The following PRAM1 variants were observed in gnomAD, a reference collection of about 807,000 sequenced individuals.
The protein encoded by PRAM1 is PML-RARA regulated adaptor molecule 1, also known as PML-RARA-regulated adapter molecule 1.
PRAM1 carries 41 observed loss-of-function variants against 55.3 expected under a neutral mutation model. That is an observed-to-expected ratio of 0.74 (90% CI 0.58 to 0.96). PRAM1 has a LOEUF of 0.96. Ranked by LOEUF, PRAM1 falls within the 40% of genes least tolerant of loss-of-function variation. The pLI, the probability that PRAM1 is intolerant of heterozygous loss-of-function variation, is 0.00. For missense variants in PRAM1, 898 were observed against 892.7 expected, an observed-to-expected ratio of 1.01 and a Z score of -0.08; for synonymous variants, 401 against 387.1, an observed-to-expected ratio of 1.04 and a Z score of -0.42.
rs1057153124 is a variant in PRAM1, at chr19:8,498,407, C to G, written c.1401G>C (p.Gln467His). ...PPLPPGPVDM[Q>H]SFRRPSAASI... ...ATGCTGCAGAGGGTCTCCGAAAGCTCTGCATATCCACGGGCCCCGGGGGCA... is the reference window on the plus strand; with the variant it reads ...ATGCTGCAGAGGGTCTCCGAAAGCTGTGCATATCCACGGGCCCCGGGGGCA... Residue 467 changes from glutamine to histidine, a missense_variant, in exon 2 of 10, where the codon CAG (glutamine) becomes CAC (histidine). Coordinates refer to ENST00000423345, the MANE Select transcript of PRAM1 (RefSeq NM_032152.5). The G allele has an allele frequency of 6.3e-7, 1 of 1,579,254 alleles. No individual in the cohort carries two copies. Among genetic ancestry groups the G allele is most frequent in the African/African-American group, 1.3e-5 (1 of 74,298 alleles).
At chr19:8,497,870 CTTTTTT>C (rs58671333) in intron 3 of PRAM1, 30 bp from the exon 4 acceptor site, 426 of 358,506 alleles carry the variant, frequency 1.2e-3, no homozygotes, top group Middle Eastern at 1.7e-3. Flanking sequence ...GAGGCCTCTT[CTTTTTT>C]TTTTTTTTTT....
At position 8,490,198 on chromosome 19, in the gene PRAM1, CA is replaced by C. The variant is rs774638264; in HGVS notation, c.2003del (p.Leu668ArgfsTer?). On this transcript the variant is annotated frameshift_variant, in exon 10 of 10. Coordinates refer to ENST00000423345, the MANE Select transcript of PRAM1 (RefSeq NM_032152.5). LOFTEE classifies it high-confidence loss of function. This position sits in a 1 kb window ranked among gnomAD's most constrained non-coding sequence, Gnocchi z 7.3. ...CCCACGCCTACCGGTCTTACCGTCC[CA>C]GGGGGAGTGGTTGGTTTTCCAGGGG... ...CDPLENQPLP[L>X]GR is the part of the protein sequence containing the mutation. 4 of 1,588,912 alleles carry C rather than the reference CA, an allele frequency of 2.5e-6. No homozygotes were observed. The highest frequency in any genetic ancestry group is 2.3e-5 in the East Asian group (1 of 44,346).
In PRAM1 at chr19:8,490,193, C is replaced by T. The variant is rs377529811; in HGVS notation, c.2009G>A (p.Arg670Gln). The change falls in exon 10 of 10, where the codon CGG (arginine) becomes CAG (glutamine). Residue 670 changes from arginine (R) to glutamine (Q), a missense_variant. By Grantham distance (43) the Arg-to-Gln change is conservative. Coordinates refer to ENST00000423345, the MANE Select transcript of PRAM1 (RefSeq NM_032152.5). The surrounding 1 kb of genome is among the most constrained non-coding windows in gnomAD (Gnocchi z 7.3). ...PLENQPLPLG[R>Q] ...CTGGCCCCACGCCTACCGGTCTTAC[C>T]GTCCCAGGGGGAGTGGTTGGTTTTC... 3.0e-5 allele frequency: 47 copies of T among 1,580,690 alleles called. No individual in the cohort carries two copies. Among genetic ancestry groups the T allele is most frequent in the East Asian group, 1.4e-4 (6 of 44,158 alleles).
In PRAM1 at chr19:8,490,131, G is replaced by C. The variant is rs1323973627; in HGVS notation, c.*58C>G. 1 of 1,467,334 alleles carries C rather than the reference G, an allele frequency of 6.8e-7. No individual in the cohort carries two copies. The highest frequency in any genetic ancestry group is 2.4e-5 in the Admixed American group (1 of 42,424). The allele number at this position is 1,467,334 out of a possible 1,614,324, so 90.9% of individuals were successfully genotyped here. ...TGACTTTCCCGCGCCGGGATCCAGG[G>C]CTCCTGGGTGAGCGGGCGCTGGGCT... On this transcript the variant is annotated 3_prime_UTR_variant, in exon 10 of 10. Transcript: ENST00000423345. The surrounding 1 kb of genome is among the most constrained non-coding windows in gnomAD (Gnocchi z 7.3).
In PRAM1 at chr19:8,490,748, C is replaced by T. The variant is rs180927898; in HGVS notation, c.1752G>A (p.Gly584=). 7.5e-6 allele frequency: 12 copies of T among 1,609,678 alleles called. No individual in the cohort carries two copies. The African/African-American group carries it at 1.2e-4, about 16-fold the overall frequency. Reference sequence around the variant, plus strand: ...TCATCTTCGTGTGAACCACGATCTCCCCTTCAAACTGGGGCGCGAGATGTT... The same window carrying T: ...TCATCTTCGTGTGAACCACGATCTCTCCTTCAAACTGGGGCGCGAGATGTT... ...REFRKKFKFE[G]EIVVHTKMMI... Residue 584 remains glycine (G), a synonymous_variant, in exon 7 of 10, where the codon GGG becomes GGA. Coordinates refer to ENST00000423345, the MANE Select transcript of PRAM1 (RefSeq NM_032152.5). The surrounding 1 kb of genome is among the most constrained non-coding windows in gnomAD (Gnocchi z 7.3).
Position 8,497,829 on chromosome 19 carries a change from T to G in PRAM1, c.1511A>C (p.Glu504Ala), listed in dbSNP as rs1206713937. 6.2e-7 allele frequency: 1 copy of G among 1,601,878 alleles called. No individual in the cohort carries two copies. The highest frequency in any genetic ancestry group is 1.7e-5 in the Admixed American group (1 of 58,898). ...QPEDIPQVPD[E>A]IYELYDDVEP... Reference sequence around the variant, plus strand: ...CACATCGTCATACAGCTCGTAGATCTCATCTGGGACCCTGCGGGGATACCT... The same window carrying G: ...CACATCGTCATACAGCTCGTAGATCGCATCTGGGACCCTGCGGGGATACCT... The change falls in exon 4 of 10, where the codon GAG (glutamate) becomes GCG (alanine). Residue 504 changes from glutamate to alanine, a missense_variant. Physicochemically the swap from Glu to Ala is moderately radical, Grantham distance 107. Around this residue, in one of 4 missense-constraint regions of PRAM1, gnomAD observed 787 missense variants for 735.4 expected, o/e 1.07. Coordinates refer to ENST00000423345, the MANE Select transcript of PRAM1 (RefSeq NM_032152.5).
intron 4 of PRAM1, among the ~76,000 whole-genome samples, chr19:8,497,517 G>A (rs1344091558): frequency 1.3e-5 from 2 of 152,038 alleles, no homozygotes; most frequent in African/African-American, 4.8e-5. Flanking sequence ...CACTGCACCC[G>A]GCCTGATGCC....
chr19:8,499,553 C>A lies in PRAM1; in HGVS notation c.255G>T (p.Pro85=). 4.1e-6 allele frequency: 6 copies of A among 1,473,542 alleles called. No individual in the cohort carries two copies. Among genetic ancestry groups the A allele is most frequent in the Non-Finnish European group, 5.5e-6 (6 of 1,081,454 alleles). The allele number at this position is 1,473,542 out of a possible 1,614,324, so 91.3% of individuals were successfully genotyped here. Residue 85 remains proline (P), a synonymous_variant, in exon 2 of 10, where the codon CCG becomes CCT. Coordinates refer to ENST00000423345, the MANE Select transcript of PRAM1 (RefSeq NM_032152.5). ...TCTTGGGGAGGTCAGTGACCTCAGG[C>A]GGCGGGGGCTTCTTGGGGAGGTCAG... ...EVTDLPKKPP[P]PEVTDLPKKP...
rs572645584 is a variant in PRAM1, at chr19:8,495,380, G to A, written c.1576+2384C>T. On this transcript the variant is annotated intron_variant, in intron 4 of 9. Transcript: ENST00000423345. The stretch of plus-strand genomic sequence containing the variant: ...CTCCCAAAGTGCTGGGATTACAGGC[G>A]TGAGCCACCACGCCCGGCCCCAGCT... Among the ~76,000 whole-genome samples the A allele has an allele frequency of 5.9e-5, 9 of 152,200 alleles. No individual in the cohort carries two copies. The South Asian group carries it at 1.5e-3, about 25-fold the overall frequency.
rs773534887 is a variant in PRAM1, at chr19:8,501,507, A to ATTTTTTTTTT, written c.27+1048_27+1057dup. On this transcript the variant is annotated intron_variant, in intron 1 of 9. Coordinates refer to ENST00000423345, the MANE Select transcript of PRAM1 (RefSeq NM_032152.5). ...TTTACATTGTTTTTAATGTGTCTTG[A>ATTTTTTTTTT]TTTTTTTTTTTTTTTTTTTTTGTCT... 2.6e-4 allele frequency among the ~76,000 whole-genome samples: 27 copies of ATTTTTTTTTT among 102,856 alleles called. 1 individual carries two copies. The highest frequency in any genetic ancestry group is 3.9e-4 in the Non-Finnish European group (21 of 53,738). 67.5% of individuals were successfully genotyped at this position (102,856 alleles called of 152,430 possible). A position where few individuals can be genotyped will look rare whatever the true frequency, so the allele number is the denominator to read the frequency against.
Position 8,490,419 on chromosome 19 carries a change from C to T in PRAM1, c.1941-47G>A. 3 of 1,613,750 alleles carry T rather than the reference C, an allele frequency of 1.9e-6. No individual in the cohort carries two copies. Among genetic ancestry groups the T allele is most frequent in the Non-Finnish European group, 2.5e-6 (3 of 1,179,806 alleles). On this transcript the variant is annotated intron_variant, in intron 8 of 9. Transcript: ENST00000423345. The surrounding 1 kb of genome is among the most constrained non-coding windows in gnomAD (Gnocchi z 7.3). ...AGCAAGGGGCACCGTGGCCCATTCC[C>T]CCCACCCTGCACCACACACCCCGCA...
chr19:8,491,077 C>T (rs368194368), intron 5 of PRAM1, 23 bp downstream of exon 5: 27 of 1,611,886 alleles, frequency 1.7e-5, no homozygotes, highest in Non-Finnish European at 2.2e-5. Context: ...CCCCCGTCTG[C>T]CCACCCCCTC....
intron 3 of PRAM1, 123 bp downstream of exon 3, chr19:8,498,100 G>A (rs1437080486): frequency 2.8e-6 from 3 of 1,073,412 alleles, no homozygotes; most frequent in Non-Finnish European, 4.0e-6. Flanking sequence ...GGCTGTTGTC[G>A]AACTCCTGAC....
Position 8,490,086 on chromosome 19 carries a change from TACAAGCCCAGG to T in PRAM1, c.*92_*102del, listed in dbSNP as rs1971586266. On this transcript the variant is annotated 3_prime_UTR_variant, in exon 10 of 10. Coordinates refer to ENST00000423345, the MANE Select transcript of PRAM1 (RefSeq NM_032152.5). This position sits in a 1 kb window ranked among gnomAD's most constrained non-coding sequence, Gnocchi z 7.3. ...TAAACTGGGGCTTTATGTGGCCAGG[TACAAGCCCAGG>T]CAGCTCTGTGACTTTCCCGCGCCGG... The T allele has an allele frequency of 8.5e-7, 1 of 1,172,808 alleles. No individual in the cohort carries two copies. Among genetic ancestry groups the T allele is most frequent in the Non-Finnish European group, 1.2e-6 (1 of 846,214 alleles). The allele number at this position is 1,172,808 out of a possible 1,614,324, so 72.7% of individuals were successfully genotyped here. A position where few individuals can be genotyped will look rare whatever the true frequency, so the allele number is the denominator to read the frequency against.
At chr19:8,502,215 C>A (rs1433710465) in intron 1 of PRAM1, among the ~76,000 whole-genome samples, 1 of 152,002 alleles carries the variant, frequency 6.6e-6, no homozygotes, top group Non-Finnish European at 1.5e-5. Context: ...AGGGTCATGA[C>A]CCACTTTGTC....
At chr19:8,499,859 G>T in intron 1 of PRAM1, 79 bp from the exon 2 acceptor site, 2 of 1,276,792 alleles carry the variant, frequency 1.6e-6, no homozygotes, top group Non-Finnish European at 2.1e-6. Flanking sequence ...GGACCCTCAG[G>T]CACAGCCCAC....
chr19:8,495,350 T>A, intron 4 of PRAM1, among the ~76,000 whole-genome samples: 1 of 152,082 alleles, frequency 6.6e-6, no homozygotes, highest in East Asian at 1.9e-4. Context: ...TCCACCCGCC[T>A]CGGCCTCCCA....
rs983408871 is a variant in PRAM1, at chr19:8,498,775, G to A, written c.1033C>T (p.Leu345=). The change falls in exon 2 of 10, where the codon CTG becomes TTG. Residue 345 remains leucine (L), a synonymous_variant. Coordinates refer to ENST00000423345, the MANE Select transcript of PRAM1 (RefSeq NM_032152.5). ...GGCCCCCGGCGCTCCGGCTGCAGCA[G>A]CTTCCTGGGGAGTGAGTTGAACTCG... The part of the protein sequence containing the change: ...EPEFNSLPRK[L]LQPERRGPPR... The A allele has an allele frequency of 2.5e-6, 4 of 1,574,626 alleles. No homozygotes were observed. The African/African-American group carries it at 5.4e-5, about 21-fold the overall frequency.
chr19:8,498,952 G>A lies in PRAM1; in HGVS notation c.856C>T (p.Pro286Ser). 1 of 1,613,786 alleles carries A rather than the reference G, an allele frequency of 6.2e-7. No homozygotes were observed. Among genetic ancestry groups the A allele is most frequent in the Non-Finnish European group, 8.5e-7 (1 of 1,179,804 alleles). The part of the protein sequence containing the change: ...PPLSDFPKKP[P>S]QPELGDLTRT... ...GTGAGGTCCCCAAGCTCAGGCTGCG[G>A]AGGCTTCTTGGGAAAGTCACTCAGC... is the stretch of plus-strand genomic sequence containing the variant. The change falls in exon 2 of 10, where the codon CCG (proline) becomes TCG (serine). Residue 286 changes from proline (P) to serine (S), a missense_variant. Transcript: ENST00000423345.
Sources: allele counts gnomAD v4.1 joint callset (sites outside exome capture counted in the v4.1 genomes callset), GRCh38; gene constraint gnomAD v4.1.1; regional missense constraint gnomAD v4.1.1; non-coding constraint Gnocchi (gnomAD v3.1); transcripts MANE v1.5; gene names NCBI Gene and HGNC (gene_info 2026-07-23, HGNC 2026-07-21).